Variants in VPS13B observed in about 807,000 individuals in gnomAD.
VPS13B encodes the protein vacuolar protein sorting 13 homolog B.
Under a neutral mutation model 426.4 loss-of-function variants are expected in VPS13B, and 285 were observed. The ratio of observed to expected loss-of-function variants is 0.67; its 90% CI spans 0.61 to 0.74. The LOEUF (loss-of-function observed/expected upper bound fraction) is 0.74. Among genes scored for constraint, VPS13B ranks in the 30% least tolerant of loss-of-function variants. VPS13B has a pLI of 0.00. For synonymous variants in VPS13B, 1,676 were observed against 1,676.4 expected (o/e 1.00, Z 0.01); for missense variants, 4,537 against 4,782.6 (o/e 0.95, Z 1.51).
chr8:99,105,549 T>G (rs1418295525), intron 5 of VPS13B, among the ~76,000 whole-genome samples: 1 of 152,104 alleles, frequency 6.6e-6, no homozygotes. Flanking sequence ...TGGCTAATTT[T>G]TATATTTTTG....
At chr8:99,866,641 T>G (rs1216322116) in intron 58 of VPS13B, among the ~76,000 whole-genome samples, 3 of 152,260 alleles carry the variant, frequency 2.0e-5, no homozygotes, top group Non-Finnish European at 4.4e-5. Context: ...TACCTGCATG[T>G]GCTGGAGCAG....
chr8:99,479,942 G>A lies in VPS13B; in HGVS notation c.3667-1657G>A, dbSNP rs183266988. 1.5e-4 allele frequency among the ~76,000 whole-genome samples: 23 copies of A among 152,168 alleles called. No homozygotes were observed. The East Asian group carries it at 4.2e-3, about 28-fold the overall frequency. On this transcript the variant is annotated intron_variant, in intron 24 of 61. Coordinates refer to ENST00000357162, the MANE Select transcript of VPS13B (RefSeq NM_152564.5). ...GGAGTGGAATAGCTGGATCATATAC[G>A]GTAGGTATATGCTCTTTTTAAAAAC...
At chr8:99,047,110 C>T (rs1172251077) in intron 3 of VPS13B, among the ~76,000 whole-genome samples, 7 of 152,062 alleles carry the variant, frequency 4.6e-5, no homozygotes, top group Admixed American at 1.3e-4. Context: ...TGGTACCAAT[C>T]CCCCTTTGAA....
At chr8:99,664,961 A>C (rs1830419130) in intron 35 of VPS13B, among the ~76,000 whole-genome samples, 1 of 152,122 alleles carries the variant, frequency 6.6e-6, no homozygotes, top group Non-Finnish European at 1.5e-5. Flanking sequence ...CTATTTCTCC[A>C]CATCCTCTCC....
chr8:99,058,280 A>AT lies in VPS13B; in HGVS notation c.291+19714_291+19715insT, dbSNP rs1333619656. The stretch of plus-strand genomic sequence containing the variant: ...TTCTCTTAAGTCAGATTTAAAAAAA[A>AT]ATATAATGCCCCCTTTTTTTATTTT... On this transcript the variant is annotated intron_variant, in intron 3 of 61. Transcript: ENST00000357162. 7.9e-5 allele frequency among the ~76,000 whole-genome samples: 12 copies of AT among 151,924 alleles called. No homozygotes were observed. The East Asian group carries it at 2.3e-3, about 29-fold the overall frequency.
At chr8:99,400,569 G>T (rs1387271776) in intron 21 of VPS13B, among the ~76,000 whole-genome samples, 2 of 152,116 alleles carry the variant, frequency 1.3e-5, no homozygotes, top group Non-Finnish European at 2.9e-5. Context: ...AGCGTGTAAG[G>T]TTATTTTAAT....
chr8:99,288,819 A>C (rs150197937), intron 19 of VPS13B, among the ~76,000 whole-genome samples: 1 of 152,266 alleles, frequency 6.6e-6, no homozygotes, highest in African/African-American at 2.4e-5. Context: ...ATGATCCAGC[A>C]TCCAGATATT....
intron 54 of VPS13B, among the ~76,000 whole-genome samples, chr8:99,839,553 A>G (rs1259073290): frequency 6.6e-6 from 1 of 152,220 alleles, no homozygotes; most frequent in Non-Finnish European, 1.5e-5. Context: ...AGGCTTAAAG[A>G]GTAATCAGCT....
intron 16 of VPS13B, among the ~76,000 whole-genome samples, chr8:99,171,126 C>T (rs946989734): frequency 1.3e-5 from 2 of 151,758 alleles, no homozygotes; most frequent in African/African-American, 4.8e-5. Context: ...AGTACCAATT[C>T]CTCTATAAAG....
At chr8:99,639,961 A>G (rs926017805) in intron 33 of VPS13B, among the ~76,000 whole-genome samples, 2 of 146,804 alleles carry the variant, frequency 1.4e-5, no homozygotes, top group African/African-American at 5.0e-5. Flanking sequence ...TGGGCAACAG[A>G]ACAAGACTCT....
At chr8:99,758,928 G>T (rs562215448) in intron 39 of VPS13B, among the ~76,000 whole-genome samples, 14 of 152,108 alleles carry the variant, frequency 9.2e-5, no homozygotes, top group African/African-American at 3.1e-4. Flanking sequence ...CGTTCTTTTT[G>T]TCTCAAGGCC....
intron 21 of VPS13B, among the ~76,000 whole-genome samples, chr8:99,425,674 C>G (rs1351212112): frequency 2.6e-5 from 4 of 152,172 alleles, no homozygotes; most frequent in South Asian, 2.1e-4. Flanking sequence ...GATGCCCTCT[C>G]TCACCACTCC....
intron 39 of VPS13B, among the ~76,000 whole-genome samples, chr8:99,738,471 T>C (rs1833933474): frequency 6.6e-6 from 1 of 152,234 alleles, no homozygotes; most frequent in Non-Finnish European, 1.5e-5. Flanking sequence ...GAATTTTTTC[T>C]CTTTCTTAAA....
At chr8:99,867,326 G>A (rs1413107353) in intron 58 of VPS13B, among the ~76,000 whole-genome samples, 8 of 152,200 alleles carry the variant, frequency 5.3e-5, no homozygotes, top group Admixed American at 1.3e-4. Flanking sequence ...CAAAGGGGCC[G>A]TATCCACAGG....
intron 60 of VPS13B, 147 bp from the exon 61 acceptor site, chr8:99,871,301 C>T: frequency 8.1e-7 from 1 of 1,227,160 alleles, no homozygotes; most frequent in Non-Finnish European, 1.2e-6. Context: ...TGAGAACTGA[C>T]AATTACATTT....
chr8:99,575,333 A>T (rs1260296634), intron 31 of VPS13B, among the ~76,000 whole-genome samples: 5 of 152,230 alleles, frequency 3.3e-5, no homozygotes, highest in Admixed American at 6.5e-5. Flanking sequence ...TAGTAAGATT[A>T]TTGGTGGTAA....
intron 3 of VPS13B, among the ~76,000 whole-genome samples, chr8:99,056,714 G>A (rs1004027799): frequency 2.0e-5 from 3 of 152,126 alleles, no homozygotes; most frequent in Non-Finnish European, 4.4e-5. Flanking sequence ...AGTGGAGGTG[G>A]CAGGGGGTGA....
intron 15 of VPS13B, among the ~76,000 whole-genome samples, chr8:99,161,835 C>T (rs747805061): frequency 7.3e-5 from 11 of 150,558 alleles, no homozygotes; most frequent in East Asian, 5.9e-4. Flanking sequence ...CAGGTTCAAG[C>T]GATTCTCCTG....
chr8:99,809,523 A>G lies in VPS13B; in HGVS notation c.8090A>G (p.Gln2697Arg). 3 of 1,614,008 alleles carry G rather than the reference A, an allele frequency of 1.9e-6. No individual in the cohort carries two copies. Among genetic ancestry groups the G allele is most frequent in the African/African-American group, 1.3e-5 (1 of 75,038 alleles). The change falls in exon 44 of 62, where the codon CAA (glutamine) becomes CGA (arginine). Residue 2697 changes from glutamine (Q) to arginine (R), a missense_variant. Physicochemically the swap from Gln to Arg is conservative, Grantham distance 43. Coordinates refer to ENST00000357162, the MANE Select transcript of VPS13B (RefSeq NM_152564.5). ...AAGGTTCAGCAACTCAATGGAGTAC[A>G]AAAACAGGTAAGTTTCTTTGTGTTC... Reference protein sequence around the residue: ...IIKVQQLNGVQKQIIICGRQI... With the variant: ...IIKVQQLNGVRKQIIICGRQI...
Sources: allele counts gnomAD v4.1 joint callset (sites outside exome capture counted in the v4.1 genomes callset), GRCh38; gene constraint gnomAD v4.1.1; transcripts MANE v1.5; gene names NCBI Gene and HGNC (gene_info 2026-07-23, HGNC 2026-07-21).